The following TINAG variants were observed in gnomAD, a reference collection of about 807,000 sequenced individuals.
TINAG encodes the protein tubulointerstitial nephritis antigen.
In TINAG, 83 loss-of-function variants were observed where a neutral mutation model predicts 72.7. The observed-to-expected ratio is 1.14, with a 90% CI of 0.96 to 1.37. TINAG has a LOEUF of 1.37. Among genes scored for constraint, TINAG ranks in the 40% most tolerant of loss-of-function variants. TINAG has a pLI of 0.00. For missense variants in TINAG, 685 were observed against 576.6 expected, an observed-to-expected ratio of 1.19 and a Z score of -1.93; for synonymous variants, 234 against 189.9, an observed-to-expected ratio of 1.23 and a Z score of -1.91.
intron 1 of TINAG, among the ~76,000 whole-genome samples, chr6:54,315,781 T>C (rs1784359816): frequency 1.3e-5 from 2 of 152,110 alleles, no homozygotes; most frequent in Admixed American, 6.6e-5. Flanking sequence ...CCTTTTGGTA[T>C]AGAGGATTTT....
intron 1 of TINAG, among the ~76,000 whole-genome samples, chr6:54,310,483 T>C (rs1784215446): frequency 2.1e-5 from 2 of 95,176 alleles, no homozygotes; most frequent in South Asian, 7.1e-4. Context: ...CCTCCCTCTC[T>C]TTCTTTCTTT....
intron 5 of TINAG, among the ~76,000 whole-genome samples, chr6:54,345,676 C>T (rs183299318): frequency 4.6e-5 from 7 of 152,104 alleles, no homozygotes; most frequent in Admixed American, 3.3e-4. Flanking sequence ...TATCAGAAGT[C>T]GTGTAATGCC....
At chr6:54,381,510 A>G (rs565697756) in intron 10 of TINAG, among the ~76,000 whole-genome samples, 2 of 152,158 alleles carry the variant, frequency 1.3e-5, no homozygotes, top group East Asian at 3.9e-4. Context: ...ATTTCTTCAT[A>G]AGGCACTCAC....
At chr6:54,372,723 CATACAT>C (rs1336469705) in intron 9 of TINAG, among the ~76,000 whole-genome samples, 2 of 122,598 alleles carry the variant, frequency 1.6e-5, no homozygotes, top group Admixed American at 9.9e-5. Context: ...TATATAAATA[CATACAT>C]ATATATATAT....
At chr6:54,322,008 G>A (rs534157912) in intron 3 of TINAG, among the ~76,000 whole-genome samples, 1 of 152,234 alleles carries the variant, frequency 6.6e-6, no homozygotes, top group South Asian at 2.1e-4. Flanking sequence ...AGGAAATTAA[G>A]ATGTAGGCAC....
intron 8 of TINAG, 109 bp downstream of exon 8, chr6:54,351,506 A>G: frequency 9.9e-7 from 1 of 1,013,772 alleles, no homozygotes; most frequent in Non-Finnish European, 1.4e-6. Flanking sequence ...TTTTACTTTA[A>G]GAGTATCCAA....
chr6:54,317,294 A>G (rs1030659067), intron 1 of TINAG, among the ~76,000 whole-genome samples: 7 of 151,654 alleles, frequency 4.6e-5, no homozygotes, highest in Non-Finnish European at 1.0e-4. Context: ...TCCTGGTGAT[A>G]TGGTTTGGCT....
intron 9 of TINAG, chr6:54,367,099 A>G (rs547607697): frequency 1.3e-5 from 2 of 151,848 alleles, no homozygotes; most frequent in South Asian, 4.1e-4. Flanking sequence ...CTTTGCAGCA[A>G]CATTGTTTGA....
At chr6:54,375,307 G>T (rs1419292061) in intron 9 of TINAG, among the ~76,000 whole-genome samples, 1 of 152,018 alleles carries the variant, frequency 6.6e-6, no homozygotes, top group Non-Finnish European at 1.5e-5. Flanking sequence ...TTGTTTGTCA[G>T]AAACACAGAA....
chr6:54,309,651 A>G (rs1221998231), intron 1 of TINAG, among the ~76,000 whole-genome samples: 1 of 152,032 alleles, frequency 6.6e-6, no homozygotes, highest in African/African-American at 2.4e-5. Context: ...ATGAGGCTTT[A>G]TTTTTCTGTC....
chr6:54,358,616 T>C (rs765354972), intron 9 of TINAG, among the ~76,000 whole-genome samples: 1 of 151,790 alleles, frequency 6.6e-6, no homozygotes, highest in Non-Finnish European at 1.5e-5. Flanking sequence ...TTTGTAAATG[T>C]TGAACCTGTG....
intron 9 of TINAG, among the ~76,000 whole-genome samples, chr6:54,379,501 T>C (rs1344831605): frequency 6.6e-6 from 1 of 152,152 alleles, no homozygotes; most frequent in Non-Finnish European, 1.5e-5. Context: ...CATACATGTG[T>C]TTACAAAAAT....
chr6:54,343,657 G>T (rs560393356), intron 5 of TINAG, among the ~76,000 whole-genome samples: 11 of 151,504 alleles, frequency 7.3e-5, no homozygotes, highest in Middle Eastern at 3.4e-3. Context: ...AAGGATTAAG[G>T]TTCTTTTTCA....
chr6:54,379,617 T>G (rs1763885370), intron 9 of TINAG, among the ~76,000 whole-genome samples: 2 of 152,112 alleles, frequency 1.3e-5, no homozygotes, highest in Non-Finnish European at 2.9e-5. Flanking sequence ...TAACAGTAGT[T>G]CTGGAAATGT....
chr6:54,340,061 A>T (rs1278528411), intron 4 of TINAG, among the ~76,000 whole-genome samples: 1 of 152,156 alleles, frequency 6.6e-6, no homozygotes, highest in African/African-American at 2.4e-5. Flanking sequence ...ATTTTAATTT[A>T]ATTAAATGCA....
At chr6:54,347,223 T>C in intron 5 of TINAG, 144 bp from the exon 6 acceptor site, 1 of 784,590 alleles carries the variant, frequency 1.3e-6, no homozygotes, top group Non-Finnish European at 1.9e-6. Flanking sequence ...CTGGAATACA[T>C]AAATATATTA....
intron 9 of TINAG, among the ~76,000 whole-genome samples, chr6:54,367,416 T>A (rs181258599): frequency 6.6e-6 from 1 of 151,866 alleles, no homozygotes; most frequent in Admixed American, 6.6e-5. Context: ...ATACATAAAT[T>A]TGCCTGACCT....
At chr6:54,346,089 TAA>T (rs1204432557) in intron 5 of TINAG, among the ~76,000 whole-genome samples, 1 of 152,014 alleles carries the variant, frequency 6.6e-6, no homozygotes, top group Non-Finnish European at 1.5e-5. Context: ...AGATATTCAA[TAA>T]AAAAGTCTGT....
intron 9 of TINAG, among the ~76,000 whole-genome samples, chr6:54,372,739 T>C (rs1365711215): frequency 1.8e-4 from 1 of 5,664 alleles, no homozygotes; most frequent in East Asian, 1.9e-3. Flanking sequence ...TATATATATA[T>C]ATATATATAT....
Sources: gnomAD v4.1 joint callset for allele counts (sites outside exome capture counted in the v4.1 genomes callset) on GRCh38, gnomAD v4.1.1 for gene constraint, MANE v1.5 for transcripts, NCBI Gene and HGNC (gene_info 2026-07-23, HGNC 2026-07-21) for gene names.